The following MGAM2 variants were observed in gnomAD, a reference collection of about 807,000 sequenced individuals.
MGAM2 encodes the protein probable maltase-glucoamylase 2.
MGAM2 carries 98 observed loss-of-function variants against 96.1 expected under a neutral mutation model. The ratio of observed to expected loss-of-function variants is 1.02; its 90% CI spans 0.87 to 1.21. The LOEUF is 1.21. Ranked by LOEUF, MGAM2 falls within the 50% of genes most tolerant of loss-of-function variation. The pLI, the probability that MGAM2 is intolerant of heterozygous loss-of-function variation, is 0.00. For missense variants in MGAM2, 2,055 were observed against 1,182.4 expected, an observed-to-expected ratio of 1.74 and a Z score of -10.82; for synonymous variants, 749 against 414.8, an observed-to-expected ratio of 1.81 and a Z score of -9.79.
intron 23 of MGAM2, 91 bp downstream of exon 23, chr7:142,162,095 G>A (rs757867023): frequency 9.1e-6 from 5 of 548,520 alleles, no homozygotes; most frequent in Non-Finnish European, 1.6e-5. Flanking sequence ...ATGGTTATGT[G>A]CAGCAGAGAC....
At chr7:142,112,192 C>A (rs1232880153) in intron 1 of MGAM2, among the ~76,000 whole-genome samples, 1 of 151,834 alleles carries the variant, frequency 6.6e-6, no homozygotes, top group African/African-American at 2.4e-5. Context: ...GAATTCCTCC[C>A]AGCTTTGGGC....
At chr7:142,145,753 G>A (rs1343116521) in intron 14 of MGAM2, among the ~76,000 whole-genome samples, 2 of 151,076 alleles carry the variant, frequency 1.3e-5, no homozygotes, top group Admixed American at 1.3e-4. Flanking sequence ...CCTGGGTGAG[G>A]GAGAGAGAGG....
intron 32 of MGAM2, among the ~76,000 whole-genome samples, chr7:142,180,598 A>G (rs536434321): frequency 3.9e-5 from 6 of 152,260 alleles, no homozygotes; most frequent in African/African-American, 1.2e-4. Context: ...AAGAATGGGG[A>G]AATTTTCATG....
chr7:142,219,722 T>A, intron 47 of MGAM2, 148 bp from the exon 48 acceptor site: 1 of 590,140 alleles, frequency 1.7e-6, no homozygotes, highest in South Asian at 2.2e-5. Flanking sequence ...AAAATCAACA[T>A]GACCTAACCC....
chr7:142,125,190 C>T (rs1794699484), intron 3 of MGAM2, among the ~76,000 whole-genome samples: 1 of 152,034 alleles, frequency 6.6e-6, no homozygotes, highest in South Asian at 2.1e-4. Context: ...GAATAAAATA[C>T]TAATTATAGA....
At chr7:142,201,713 G>A (rs1797240233) in intron 45 of MGAM2, among the ~76,000 whole-genome samples, 1 of 152,066 alleles carries the variant, frequency 6.6e-6, no homozygotes, top group Admixed American at 6.6e-5. Context: ...TTACTATTTT[G>A]TAAACAATAC....
At chr7:142,181,931 C>A (rs1796556835) in intron 32 of MGAM2, among the ~76,000 whole-genome samples, 1 of 152,174 alleles carries the variant, frequency 6.6e-6, no homozygotes, top group Non-Finnish European at 1.5e-5. Context: ...CCCTGACAAG[C>A]TAGTTTTGTC....
At chr7:142,185,389 G>A (rs1178539574) in intron 34 of MGAM2, among the ~76,000 whole-genome samples, 1 of 152,172 alleles carries the variant, frequency 6.6e-6, no homozygotes, top group East Asian at 1.9e-4. Flanking sequence ...GCTGTGATTT[G>A]TTTGAACTTT....
intron 45 of MGAM2, among the ~76,000 whole-genome samples, chr7:142,207,527 G>A (rs997367004): frequency 6.6e-6 from 1 of 151,960 alleles, no homozygotes; most frequent in Admixed American, 6.6e-5. Context: ...CTGGGTTCAC[G>A]CCATTCTCCC....
intron 45 of MGAM2, among the ~76,000 whole-genome samples, chr7:142,203,601 A>G (rs1439183738): frequency 1.3e-5 from 2 of 152,190 alleles, no homozygotes; most frequent in African/African-American, 4.8e-5. Context: ...ATCAAGCTGT[A>G]CTATAAGGCT....
intron 5 of MGAM2, 23 bp from the exon 6 acceptor site, chr7:142,131,908 C>T (rs1794899960): frequency 2.9e-6 from 2 of 695,958 alleles, no homozygotes; most frequent in South Asian, 3.0e-5. Context: ...CTGCAGTTGT[C>T]CCTTCTGTTT....
At position 142,220,404 on chromosome 7, in the gene MGAM2, C is replaced by T. The variant is rs1262490343; in HGVS notation, c.5893C>T (p.Pro1965Ser). Residue 1965 changes from proline to serine, a missense_variant, in exon 48 of 48, where the codon CCA becomes TCA. Physicochemically the swap from Pro to Ser is moderately conservative, Grantham distance 74 (BLOSUM62 -1). Coordinates refer to ENST00000477922, the MANE Select transcript of MGAM2 (RefSeq NM_001293626.2). ...ATVPDTTAPF[P>S]TNTTTASTNA... ...TGTTCCCGATACAACTGCCCCTTTC[C>T]CAACAAATACTACTACTGCTAGCAC... 1.4e-5 allele frequency: 10 copies of T among 702,424 alleles called. No homozygotes were observed. The highest frequency in any genetic ancestry group is 2.3e-5 in the Non-Finnish European group (9 of 384,884). The allele number at this position is 702,424 out of a possible 1,614,324, so 43.5% of individuals were successfully genotyped here.
chr7:142,124,324 C>T lies in MGAM2; in HGVS notation c.186+3943C>T, dbSNP rs143437568. The stretch of plus-strand genomic sequence containing the variant: ...AATCGATCCATCACCACTTATTGAA[C>T]TGACCATCTTTTTCCCTCTGCATTT... On this transcript the variant is annotated intron_variant, in intron 3 of 47. Coordinates refer to ENST00000477922, the MANE Select transcript of MGAM2 (RefSeq NM_001293626.2). Among the ~76,000 whole-genome samples the T allele has an allele frequency of 4.7e-3, 717 of 152,120 alleles. 6 individuals carry two copies. The highest frequency in any genetic ancestry group is 0.016 in the African/African-American group (682 of 41,504).
intron 36 of MGAM2, among the ~76,000 whole-genome samples, chr7:142,188,085 G>A (rs1397431802): frequency 1.4e-5 from 2 of 146,838 alleles, no homozygotes; most frequent in African/African-American, 5.1e-5. Flanking sequence ...TGAACAGATT[G>A]CTAAAATTTT....
At chr7:142,185,901 G>A (rs1796679148) in intron 34 of MGAM2, 88 bp from the exon 35 acceptor site, 3 of 646,130 alleles carry the variant, frequency 4.6e-6, no homozygotes, top group Non-Finnish European at 8.5e-6. Flanking sequence ...GACTGATCTG[G>A]GCAGGCACAA....
Position 142,164,991 on chromosome 7 carries a change from A to T in MGAM2, c.2620A>T (p.Ser874Cys). The T allele has an allele frequency of 1.4e-6, 1 of 702,272 alleles. No individual in the cohort carries two copies. The highest frequency in any genetic ancestry group is 2.6e-6 in the Non-Finnish European group (1 of 384,674). The allele number at this position is 702,272 out of a possible 1,614,324, so 43.5% of individuals were successfully genotyped here. ...IVLLNNVATS[S>C]PSVVYNASTK... Reference sequence around the variant, plus strand: ...CCTACTGAATAATGTTGCCACCTCCAGTCCAAGCGTTGTCTACAATGCTTC... The same window carrying T: ...CCTACTGAATAATGTTGCCACCTCCTGTCCAAGCGTTGTCTACAATGCTTC... Residue 874 changes from serine to cysteine, a missense_variant, in exon 24 of 48, where the codon AGT becomes TGT. Ser to Cys is a moderately radical substitution (Grantham distance 112, BLOSUM62 -1). Coordinates refer to ENST00000477922, the MANE Select transcript of MGAM2 (RefSeq NM_001293626.2).
chr7:142,215,062 C>A (rs897383201), intron 46 of MGAM2, among the ~76,000 whole-genome samples: 1 of 152,174 alleles, frequency 6.6e-6, no homozygotes, highest in Admixed American at 6.5e-5. Flanking sequence ...AAATGCCCAT[C>A]AGTGTTAGAC....
At position 142,116,930 on chromosome 7, in the gene MGAM2, G is replaced by A. The variant is rs1388697676; in HGVS notation, c.57G>A (p.Val19=). Residue 19 remains valine, a synonymous_variant, in exon 2 of 48, where the codon GTG becomes GTA. Coordinates refer to ENST00000477922, the MANE Select transcript of MGAM2 (RefSeq NM_001293626.2). ...TTCTGATCATCTTCTGCTTAATTGT[G>A]GTGACCATAGATATCCTCTTGCTGC... is the stretch of plus-strand genomic sequence containing the variant. ...EVLLIIFCLI[V]VTIDILLLLL... The A allele has an allele frequency of 7.1e-6, 5 of 703,338 alleles. No individual in the cohort carries two copies. In the South Asian group the frequency reaches 7.4e-5, roughly 10 times the overall value. 43.6% of individuals were successfully genotyped at this position (703,338 alleles called of 1,614,324 possible).
chr7:142,131,042 C>T lies in MGAM2; in HGVS notation c.281C>T (p.Ala94Val). 1.4e-6 allele frequency: 1 copy of T among 702,582 alleles called. No homozygotes were observed. Among genetic ancestry groups the T allele is most frequent in the Non-Finnish European group, 2.6e-6 (1 of 384,996 alleles). 43.5% of individuals were successfully genotyped at this position (702,582 alleles called of 1,614,324 possible). A position where few individuals can be genotyped will look rare whatever the true frequency, so the allele number is the denominator to read the frequency against. ...TTCCCCTGGAACTGGGGCTATGAAGCCAGCAATGGCCATACAAATACAAGC... is the reference window on the plus strand; with the variant it reads ...TTCCCCTGGAACTGGGGCTATGAAGTCAGCAATGGCCATACAAATACAAGC... ...CFFPWNWGYE[A>V]SNGHTNTSTG... Residue 94 changes from alanine to valine, a missense_variant, in exon 4 of 48, where the codon GCC (alanine) becomes GTC (valine). Transcript: ENST00000477922.
Sources: gnomAD v4.1 joint callset for allele counts (sites outside exome capture counted in the v4.1 genomes callset) on GRCh38, gnomAD v4.1.1 for gene constraint, MANE v1.5 for transcripts, NCBI Gene and HGNC (gene_info 2026-07-23, HGNC 2026-07-21) for gene names.